DLGAP1: variants seen among roughly 807,000 people sequenced by gnomAD.
The protein encoded by DLGAP1 is DLG associated protein 1.
A neutral mutation model predicts 90.8 loss-of-function variants in DLGAP1; 11 were observed. That is an observed-to-expected ratio of 0.12 (90% CI 0.08 to 0.20). The LOEUF is 0.20. DLGAP1 is among the 10% of genes least tolerant of loss of function. The pLI is 1.00. For synonymous variants in DLGAP1, 558 were observed against 540.7 expected (o/e 1.03, Z -0.44); for missense variants, 1,050 against 1,333.8 (o/e 0.79, Z 3.31).
intron 1 of DLGAP1, among the ~76,000 whole-genome samples, chr18:4,368,679 A>G (rs1038015990): frequency 1.7e-5 from 2 of 118,982 alleles, no homozygotes; most frequent in African/African-American, 5.9e-5. Flanking sequence ...ACACACACAC[A>G]CACATCCTAT....
At chr18:3,502,318 T>C (rs2049981644) in intron 12 of DLGAP1, 175 bp downstream of exon 12, 1 of 1,374,976 alleles carries the variant, frequency 7.3e-7, no homozygotes, top group Admixed American at 3.5e-5. Context: ...CTGAAACATA[T>C]TACAGATAAT....
chr18:4,209,710 C>G (rs2077801714), intron 1 of DLGAP1, among the ~76,000 whole-genome samples: 1 of 152,136 alleles, frequency 6.6e-6, no homozygotes, highest in Non-Finnish European at 1.5e-5. Flanking sequence ...TTTTAACTAT[C>G]ATTTATAAAG....
At chr18:4,168,346 T>C (rs75758526) in intron 1 of DLGAP1, among the ~76,000 whole-genome samples, 1,966 of 152,252 alleles carry the variant, frequency 0.013, 36 homozygotes, top group African/African-American at 0.04. Flanking sequence ...ACAAGGGAAT[T>C]TTTCAGCAAA....
intron 2 of DLGAP1, among the ~76,000 whole-genome samples, chr18:4,099,607 G>C (rs1049995256): frequency 5.3e-5 from 8 of 152,096 alleles, no homozygotes; most frequent in Admixed American, 4.6e-4. Context: ...TCTTTTTGCG[G>C]TGAAGGGTTT....
intron 1 of DLGAP1, among the ~76,000 whole-genome samples, chr18:4,235,784 G>A (rs1353311031): frequency 7.3e-6 from 1 of 136,306 alleles, no homozygotes; most frequent in African/African-American, 2.8e-5. Context: ...GGAGTGCAGT[G>A]GCATGATCTT....
At chr18:3,756,441 A>G (rs1415148102) in intron 5 of DLGAP1, among the ~76,000 whole-genome samples, 4 of 152,322 alleles carry the variant, frequency 2.6e-5, no homozygotes, top group South Asian at 2.1e-4. Context: ...GAAACCCAAC[A>G]TATGAAAACT....
At chr18:3,769,942 T>C (rs1159638239) in intron 5 of DLGAP1, 1 of 152,122 alleles carries the variant, frequency 6.6e-6, no homozygotes, top group Admixed American at 6.5e-5. Context: ...ATAATTTTAA[T>C]CTCAAAATAA....
chr18:3,610,247 C>A (rs1250661732), intron 7 of DLGAP1, among the ~76,000 whole-genome samples: 1 of 152,106 alleles, frequency 6.6e-6, no homozygotes, highest in Non-Finnish European at 1.5e-5. Context: ...TGCCAAGTTG[C>A]CATTTGTGGA....
intron 1 of DLGAP1, among the ~76,000 whole-genome samples, chr18:4,338,519 T>C (rs982009963): frequency 6.6e-6 from 1 of 152,192 alleles, no homozygotes; most frequent in African/African-American, 2.4e-5. Context: ...ATTCATTTCC[T>C]AAATGTGTAC....
At chr18:3,686,528 T>C (rs1451236763) in intron 7 of DLGAP1, among the ~76,000 whole-genome samples, 3 of 152,236 alleles carry the variant, frequency 2.0e-5, no homozygotes, top group African/African-American at 7.2e-5. Flanking sequence ...ATGCTGTGCA[T>C]AGCAATGGGG....
chr18:4,331,228 G>A (rs2080943280), intron 1 of DLGAP1, among the ~76,000 whole-genome samples: 1 of 151,660 alleles, frequency 6.6e-6, no homozygotes, highest in African/African-American at 2.4e-5. Flanking sequence ...TTGCTTAAAT[G>A]TATCACGGGA....
At chr18:3,646,198 C>A (rs370470762) in intron 7 of DLGAP1, among the ~76,000 whole-genome samples, 1 of 151,930 alleles carries the variant, frequency 6.6e-6, no homozygotes, top group South Asian at 2.1e-4. Flanking sequence ...GAGTTTGAGA[C>A]CAGCCTGGGC....
intron 1 of DLGAP1, among the ~76,000 whole-genome samples, chr18:4,418,632 G>T (rs1489852722): frequency 6.6e-6 from 1 of 152,080 alleles, no homozygotes; most frequent in Non-Finnish European, 1.5e-5. Context: ...GGAATTTGAA[G>T]ATAGATCAAT....
chr18:4,393,648 G>C (rs2082381609), intron 1 of DLGAP1, among the ~76,000 whole-genome samples: 1 of 152,108 alleles, frequency 6.6e-6, no homozygotes, highest in African/African-American at 2.4e-5. Context: ...TCTCCTGCTG[G>C]CACATGAACT....
rs577157083 is a variant in DLGAP1, at chr18:3,693,065, G to A, written c.1591+36070C>T. Among the ~76,000 whole-genome samples the A allele has an allele frequency of 1.4e-4, 21 of 152,294 alleles. No homozygotes were observed. In the South Asian group the frequency reaches 3.9e-3, roughly 29 times the overall value. On this transcript the variant is annotated intron_variant, in intron 7 of 12. Coordinates refer to ENST00000315677, the MANE Select transcript of DLGAP1 (RefSeq NM_004746.4). ...CATTACATTTCTTTGCACTGCTAAT[G>A]TCAAGGAACAAATGTGAGGCAAACT...
At chr18:4,394,236 A>T (rs572152709) in intron 1 of DLGAP1, among the ~76,000 whole-genome samples, 11 of 152,340 alleles carry the variant, frequency 7.2e-5, no homozygotes, top group African/African-American at 2.4e-4. Flanking sequence ...AAACGTATTC[A>T]TTTACTAGAT....
intron 6 of DLGAP1, among the ~76,000 whole-genome samples, chr18:3,736,358 T>A (rs901627275): frequency 6.6e-6 from 1 of 152,166 alleles, no homozygotes; most frequent in Non-Finnish European, 1.5e-5. Context: ...CATACTTAAT[T>A]TTTTTCCTTA....
At chr18:3,667,165 C>T (rs1372775895) in intron 7 of DLGAP1, among the ~76,000 whole-genome samples, 1 of 151,982 alleles carries the variant, frequency 6.6e-6, no homozygotes, top group African/African-American at 2.4e-5. Context: ...GCAACCTCCA[C>T]CTCCCAGACT....
chr18:3,846,792 G>C (rs1207623664), intron 4 of DLGAP1, among the ~76,000 whole-genome samples: 2 of 152,120 alleles, frequency 1.3e-5, no homozygotes, highest in Non-Finnish European at 2.9e-5. Context: ...CCCTGGACCT[G>C]GGGTAGGGGG....
Sources: allele counts gnomAD v4.1 joint callset (sites outside exome capture counted in the v4.1 genomes callset), GRCh38; gene constraint gnomAD v4.1.1; transcripts MANE v1.5; gene names NCBI Gene and HGNC (gene_info 2026-07-23, HGNC 2026-07-21).